The following ZNF652 variants were observed in gnomAD, a reference collection of about 807,000 sequenced individuals.
The protein encoded by ZNF652 is zinc finger protein 652.
A neutral mutation model predicts 45.2 loss-of-function variants in ZNF652; 16 were observed. The observed-to-expected ratio is 0.35, with a 90% confidence interval of 0.24 to 0.54. The LOEUF (loss-of-function observed/expected upper bound fraction) is 0.54, where lower values mean the gene tolerates loss of function less well. Among genes scored for constraint, ZNF652 ranks in the 20% least tolerant of loss-of-function variants. ZNF652 has a pLI of 0.91. For synonymous variants in ZNF652, 250 were observed against 260.6 expected, an observed-to-expected ratio of 0.96 and a Z score of 0.39; for missense variants, 614 against 765.6, an observed-to-expected ratio of 0.80 and a Z score of 2.34.
intron 1 of ZNF652, among the ~76,000 whole-genome samples, chr17:49,341,591 G>A (rs1434784245): frequency 6.6e-6 from 1 of 151,868 alleles, no homozygotes; most frequent in Non-Finnish European, 1.5e-5. Flanking sequence ...TTGAGCCAGG[G>A]AGGTCAAGGC....
At chr17:49,354,260 A>G (rs1484535808) in intron 1 of ZNF652, among the ~76,000 whole-genome samples, 1 of 152,168 alleles carries the variant, frequency 6.6e-6, no homozygotes, top group Non-Finnish European at 1.5e-5. Flanking sequence ...AGGGTAAGAC[A>G]CACATTAAGA....
At chr17:49,359,981 A>G (rs1405055114) in intron 1 of ZNF652, among the ~76,000 whole-genome samples, 1 of 152,246 alleles carries the variant, frequency 6.6e-6, no homozygotes, top group African/African-American at 2.4e-5. Context: ...ATTATAAAAC[A>G]GACCTTGGAC....
At chr17:49,314,346 G>C (rs1284709884) in intron 2 of ZNF652, among the ~76,000 whole-genome samples, 1 of 151,998 alleles carries the variant, frequency 6.6e-6, no homozygotes, top group African/African-American at 2.4e-5. Flanking sequence ...ATTTTTAGCA[G>C]AGATGAGGTT....
Position 49,317,782 on chromosome 17 carries a change from A to G in ZNF652, c.-57T>C. ...GACTATAAAGAAATAGCTTTAAAAC[A>G]AGGTAATTATTAAGACTCAAATCTT... is the stretch of plus-strand genomic sequence containing the variant. On this transcript the variant is annotated 5_prime_UTR_variant, in exon 2 of 6. Coordinates refer to ENST00000430262, the MANE Select transcript of ZNF652 (RefSeq NM_001145365.3). 1 of 1,464,866 alleles carries G rather than the reference A, an allele frequency of 6.8e-7. No individual in the cohort carries two copies. The highest frequency in any genetic ancestry group is 2.4e-5 in the Admixed American group (1 of 41,740). The allele number at this position is 1,464,866 out of a possible 1,614,324, so 90.7% of individuals were successfully genotyped here.
chr17:49,351,839 T>C (rs951316088), intron 1 of ZNF652, among the ~76,000 whole-genome samples: 1 of 151,990 alleles, frequency 6.6e-6, no homozygotes, highest in African/African-American at 2.4e-5. Flanking sequence ...GTACAAAAAT[T>C]AGCCAGGTGC....
At chr17:49,351,654 T>G (rs1328068432) in intron 1 of ZNF652, among the ~76,000 whole-genome samples, 1 of 152,108 alleles carries the variant, frequency 6.6e-6, no homozygotes, top group Non-Finnish European at 1.5e-5. Context: ...GCCATATTTT[T>G]TTTTCTTCAT....
intron 1 of ZNF652, among the ~76,000 whole-genome samples, chr17:49,333,385 G>A (rs916199977): frequency 2.3e-4 from 35 of 149,228 alleles, no homozygotes; most frequent in African/African-American, 6.6e-4. Flanking sequence ...AAATTAAAAC[G>A]GAAAGAATAT....
At chr17:49,342,203 A>G (rs936414975) in intron 1 of ZNF652, among the ~76,000 whole-genome samples, 2 of 151,904 alleles carry the variant, frequency 1.3e-5, no homozygotes, top group Non-Finnish European at 2.9e-5. Flanking sequence ...AAAAAAAAGA[A>G]TTTTCTCAAA....
chr17:49,298,529 G>A lies in ZNF652; in HGVS notation c.1705C>T (p.His569Tyr). The A allele has an allele frequency of 1.2e-6, 2 of 1,612,308 alleles. No homozygotes were observed. The highest frequency in any genetic ancestry group is 1.1e-5 in the South Asian group (1 of 90,932). The change falls in exon 6 of 6, where the codon CAC becomes TAC. Residue 569 changes from histidine (H) to tyrosine (Y), a missense_variant. Physicochemically the swap from His to Tyr is moderately conservative, Grantham distance 83. Transcript: ENST00000430262. The stretch of plus-strand genomic sequence containing the variant: ...AAGAGAGCTGGAGGTGGCGGGAGGT[G>A]AGGGACTGGAGGGATGGGAAGGTGG... ...PHHLPIPPVP[H>Y]LPPPPALFKS... is the part of the protein sequence containing the mutation.
rs1250196296 is a variant in ZNF652, at chr17:49,312,062, T to TA, written c.1049-21dup. The TA allele has an allele frequency of 6.3e-7, 1 of 1,578,902 alleles. No individual in the cohort carries two copies. ...TGTGTGCTGCAACACAGAATGTACTTAGTGTCAAAACAAAATCCACCAAAA... is the reference window on the plus strand; with the variant it reads ...TGTGTGCTGCAACACAGAATGTACTTAAGTGTCAAAACAAAATCCACCAAAA... On this transcript the variant is annotated intron_variant, in intron 3 of 5. Coordinates refer to ENST00000430262, the MANE Select transcript of ZNF652 (RefSeq NM_001145365.3).
intron 1 of ZNF652, among the ~76,000 whole-genome samples, chr17:49,350,970 C>CATATATATATATAT (rs372720324): frequency 1.9e-4 from 8 of 42,274 alleles, no homozygotes; most frequent in Non-Finnish European, 1.9e-4. Context: ...ACTCTGTCTA[C>CATATATATATATAT]ATATATATAT....
intron 5 of ZNF652, 40 bp from the exon 6 acceptor site, chr17:49,298,964 G>A (rs1159434094): frequency 1.3e-6 from 2 of 1,542,556 alleles, no homozygotes; most frequent in African/African-American, 1.4e-5. Flanking sequence ...AACATATTAG[G>A]TGGTAATTGT....
At chr17:49,300,408 T>C (rs1050792743) in intron 5 of ZNF652, among the ~76,000 whole-genome samples, 4 of 152,164 alleles carry the variant, frequency 2.6e-5, no homozygotes, top group Non-Finnish European at 5.9e-5. Flanking sequence ...TCTTAGAGCA[T>C]TTAGAAAGGA....
At chr17:49,324,008 G>C (rs542271291) in intron 1 of ZNF652, among the ~76,000 whole-genome samples, 6 of 152,170 alleles carry the variant, frequency 3.9e-5, no homozygotes, top group Non-Finnish European at 8.8e-5. Flanking sequence ...AAGAGAGTCA[G>C]CCTATCTTTT....
At chr17:49,310,857 G>A (rs540359708) in intron 5 of ZNF652, among the ~76,000 whole-genome samples, 21 of 152,250 alleles carry the variant, frequency 1.4e-4, no homozygotes, top group African/African-American at 4.8e-4. Flanking sequence ...AGCTGAGATC[G>A]CGCCACTGCC....
chr17:49,297,602 G>C lies in ZNF652; in HGVS notation c.*811C>G, dbSNP rs938404825. 9 of 152,572 alleles carry C rather than the reference G, an allele frequency of 5.9e-5. No individual in the cohort carries two copies. Among genetic ancestry groups the C allele is most frequent in the African/African-American group, 2.2e-4 (9 of 41,422 alleles). The allele number at this position is 152,572 out of a possible 1,614,324, so 9.5% of individuals were successfully genotyped here. A position where few individuals can be genotyped will look rare whatever the true frequency, so the allele number is the denominator to read the frequency against. ...AAAACCTCATTTTTGCAGTAACCTG[G>C]TCTGGAGACCCTCTCAGATACATCT... On this transcript the variant is annotated 3_prime_UTR_variant, in exon 6 of 6. Coordinates refer to ENST00000430262, the MANE Select transcript of ZNF652 (RefSeq NM_001145365.3).
intron 1 of ZNF652, among the ~76,000 whole-genome samples, chr17:49,329,074 T>C (rs2069996225): frequency 1.3e-5 from 2 of 152,220 alleles, no homozygotes; most frequent in African/African-American, 4.8e-5. Flanking sequence ...ATTTTATCCT[T>C]AGCTGGTGAA....
At chr17:49,337,165 G>A (rs1437007716) in intron 1 of ZNF652, among the ~76,000 whole-genome samples, 1 of 151,216 alleles carries the variant, frequency 6.6e-6, no homozygotes, top group Non-Finnish European at 1.5e-5. Context: ...GAGATCCCAT[G>A]TCTACAAAAA....
intron 1 of ZNF652, among the ~76,000 whole-genome samples, chr17:49,346,455 G>T (rs1023031546): frequency 2.6e-5 from 4 of 152,308 alleles, no homozygotes; most frequent in Non-Finnish European, 5.9e-5. Context: ...GGAGACTGAG[G>T]CAGAAGAATC....
Sources: allele counts gnomAD v4.1 joint callset (sites outside exome capture counted in the v4.1 genomes callset), GRCh38; gene constraint gnomAD v4.1.1; transcripts MANE v1.5; gene names NCBI Gene and HGNC (gene_info 2026-07-23, HGNC 2026-07-21).